REXO5: variants seen among roughly 807,000 people sequenced by gnomAD.
The protein encoded by REXO5 is RNA exonuclease 5.
In REXO5, 48 loss-of-function variants were observed where a neutral mutation model predicts 88.5. The observed-to-expected ratio is 0.54, with a 90% CI of 0.43 to 0.69. REXO5 has a LOEUF of 0.69. REXO5 is among the 30% of genes least tolerant of loss of function. The pLI is 0.00. For missense variants in REXO5, 749 were observed against 912.2 expected (o/e 0.82, Z 2.30); for synonymous variants, 311 against 336.5 (o/e 0.92, Z 0.83).
rs1460976484 is a variant in REXO5, at chr16:20,824,491, A to C, written c.669A>C (p.Ala223=). The change falls in exon 7 of 20, where the codon GCA becomes GCC. Residue 223 remains alanine, a synonymous_variant. Transcript: ENST00000261377. ...TTACCAAATGTAATGGTTCTATAGC[A>C]GACAATAGTCCTCTCTTTGGACTTG... ...FLLTKCNGSI[A]DNSPLFGLDC... 5.6e-6 allele frequency: 9 copies of C among 1,611,698 alleles called. No homozygotes were observed. The highest frequency in any genetic ancestry group is 7.6e-6 in the Non-Finnish European group (9 of 1,178,316).
At chr16:20,832,050 C>G (rs1262148693) in intron 11 of REXO5, 106 bp from the exon 12 acceptor site, 1 of 715,752 alleles carries the variant, frequency 1.4e-6, no homozygotes, top group East Asian at 2.7e-5. Context: ...GAACATTATT[C>G]AAGTGGATTT....
In REXO5 at chr16:20,848,859, C is replaced by T. The variant is rs182706553; in HGVS notation, c.2244-540C>T. On this transcript the variant is annotated intron_variant, in intron 19 of 19. Transcript: ENST00000261377. ...AGGTGCTACAAAAGTATGGAATGAA[C>T]AAAGACTAAGACTCTTTAACAGCAA... 6.6e-4 allele frequency among the ~76,000 whole-genome samples: 101 copies of T among 152,324 alleles called. 1 individual carries two copies. Among genetic ancestry groups the T allele is most frequent in the Non-Finnish European group, 1.2e-3 (79 of 68,026 alleles).
At chr16:20,828,613 T>A (rs572371238) in intron 11 of REXO5, 76 bp downstream of exon 11, 1 of 994,744 alleles carries the variant, frequency 1.0e-6, no homozygotes, top group South Asian at 1.3e-5. Context: ...GACTACCAAC[T>A]CCTATTATCT....
At chr16:20,809,270 A>G (rs543599886) in intron 2 of REXO5, among the ~76,000 whole-genome samples, 2 of 152,342 alleles carry the variant, frequency 1.3e-5, no homozygotes, top group African/African-American at 4.8e-5. Context: ...TTTATTATAT[A>G]TTCTCTATAA....
chr16:20,830,104 T>C (rs1321517680), intron 11 of REXO5, among the ~76,000 whole-genome samples: 1 of 152,266 alleles, frequency 6.6e-6, no homozygotes, highest in East Asian at 1.9e-4. Flanking sequence ...CTCATGACTC[T>C]TTTTATATTG....
intron 2 of REXO5, chr16:20,808,775 C>CT (rs1385929192): frequency 3.3e-5 from 5 of 151,290 alleles, no homozygotes; most frequent in Admixed American, 6.6e-5. Context: ...GCTAATTTTT[C>CT]TTTTTTTTGT....
chr16:20,847,505 A>G (rs985350842), intron 19 of REXO5, among the ~76,000 whole-genome samples: 3 of 152,082 alleles, frequency 2.0e-5, no homozygotes, highest in Non-Finnish European at 4.4e-5. Flanking sequence ...CTGGCCTTGA[A>G]GGTGGATCAG....
At chr16:20,847,136 G>A (rs968620130) in intron 19 of REXO5, among the ~76,000 whole-genome samples, 2 of 151,966 alleles carry the variant, frequency 1.3e-5, no homozygotes, top group Admixed American at 6.6e-5. Context: ...CTGGTTAGGC[G>A]CAGTGGCTCA....
chr16:20,832,213 C>G lies in REXO5; in HGVS notation c.1216C>G (p.Gln406Glu). 6.2e-7 allele frequency: 1 copy of G among 1,611,512 alleles called. No individual in the cohort carries two copies. Among genetic ancestry groups the G allele is most frequent in the Non-Finnish European group, 8.5e-7 (1 of 1,178,858 alleles). Residue 406 changes from glutamine to glutamate, a missense_variant, in exon 12 of 20, where the codon CAA becomes GAA. Transcript: ENST00000261377. The stretch of plus-strand genomic sequence containing the variant: ...TCACCAAGAAATACAAGCAGCAGGC[C>G]AAGAGCCTAAAAACACAGCAGAAGT... Reference protein sequence around the residue: ...ANHQEIQAAGQEPKNTAEVLQ... With the variant: ...ANHQEIQAAGEEPKNTAEVLQ...
chr16:20,806,985 A>G lies in REXO5; in HGVS notation c.32A>G (p.His11Arg). The change falls in exon 2 of 20, where the codon CAC becomes CGC. Residue 11 changes from histidine (H) to arginine (R), a missense_variant. By Grantham distance (29) the His-to-Arg change is conservative (BLOSUM62 0). Transcript: ENST00000261377. The stretch of plus-strand genomic sequence containing the variant: ...CCAGAGAGGGAAGGGACCGAGAGAC[A>G]CCCCAGGAAGGTCAGGGAAAGCAGG... MEPEREGTERHPRKVRESRQA... is the reference protein window; with the variant it reads MEPEREGTERRPRKVRESRQA... The G allele has an allele frequency of 6.3e-7, 1 of 1,599,388 alleles. No individual in the cohort carries two copies. The highest frequency in any genetic ancestry group is 8.5e-7 in the Non-Finnish European group (1 of 1,173,040).
At chr16:20,848,854 A>T (rs575337238) in intron 19 of REXO5, among the ~76,000 whole-genome samples, 29 of 152,270 alleles carry the variant, frequency 1.9e-4, no homozygotes, top group Non-Finnish European at 3.8e-4. Context: ...AAAGTATGGA[A>T]TGAACAAAGA....
chr16:20,820,929 A>T (rs1393011229), intron 5 of REXO5: 1 of 152,116 alleles, frequency 6.6e-6, no homozygotes, highest in South Asian at 2.1e-4. Context: ...ACTACTTAAG[A>T]TTTTCCCTCT....
chr16:20,827,087 A>AC lies in REXO5; in HGVS notation c.854dup (p.Val286SerfsTer19), dbSNP rs1287051447. The AC allele has an allele frequency of 2.5e-6, 4 of 1,613,980 alleles. No homozygotes were observed. Among genetic ancestry groups the AC allele is most frequent in the Non-Finnish European group, 2.5e-6 (3 of 1,179,992 alleles). On this transcript the variant is annotated frameshift_variant, in exon 9 of 20. Transcript: ENST00000261377. LOFTEE classifies it high-confidence loss of function. ...TCGGGAATCACGAAGAAGATTCTTA[A>AC]CCCAGTGACGACCAAACTCAAAGAT...
intron 6 of REXO5, among the ~76,000 whole-genome samples, 188 bp downstream of exon 6, chr16:20,822,090 G>A (rs1431030152): frequency 1.3e-5 from 2 of 152,152 alleles, no homozygotes; most frequent in Admixed American, 1.3e-4. Context: ...ACCGTGATTG[G>A]CAAAGTGATG....
chr16:20,807,173 G>A (rs1166955343), intron 2 of REXO5, 82 bp downstream of exon 2: 8 of 1,495,184 alleles, frequency 5.4e-6, no homozygotes, highest in Non-Finnish European at 7.2e-6. Context: ...CGGGGGCACT[G>A]GATTCGGGCG....
chr16:20,820,468 T>C (rs1400976026), intron 5 of REXO5, among the ~76,000 whole-genome samples: 2 of 141,840 alleles, frequency 1.4e-5, no homozygotes, highest in African/African-American at 2.6e-5. Flanking sequence ...CATCTACTTA[T>C]CTGTGTATTT....
rs539036820 is a variant in REXO5 at position 20,810,380 on chromosome 16, G to C, written c.139-2810G>C. 2.8e-4 allele frequency among the ~76,000 whole-genome samples: 42 copies of C among 151,810 alleles called. No individual in the cohort carries two copies. In the South Asian group the frequency reaches 8.8e-3, roughly 32 times the overall value. ...CTTTAATCCAAATCCAGTAATACAGGGTTCATTCTATTCATTCTAGTTTTC... is the reference window on the plus strand; with the variant it reads ...CTTTAATCCAAATCCAGTAATACAGCGTTCATTCTATTCATTCTAGTTTTC... On this transcript the variant is annotated intron_variant, in intron 2 of 19. Transcript: ENST00000261377.
At chr16:20,812,275 A>T (rs961257948) in intron 2 of REXO5, among the ~76,000 whole-genome samples, 2 of 152,156 alleles carry the variant, frequency 1.3e-5, no homozygotes, top group African/African-American at 4.8e-5. Flanking sequence ...TAATCCCAGC[A>T]CTTTGGGAGG....
rs374927740 is a variant in REXO5 at position 20,832,151 on chromosome 16, T to C, written c.1159-5T>C. 3.8e-6 allele frequency: 6 copies of C among 1,584,804 alleles called. No homozygotes were observed. Among genetic ancestry groups the C allele is most frequent in the Non-Finnish European group, 5.2e-6 (6 of 1,159,948 alleles). ...TTATATTTTTACCACTTTGTTTTCT[T>C]CAAGATTGCAGAACTAAATCTAGAA... On this transcript the variant is annotated splice_region_variant and splice_polypyrimidine_tract_variant and intron_variant, in intron 11 of 19. Coordinates refer to ENST00000261377, the MANE Select transcript of REXO5 (RefSeq NM_030941.3).
Sources: allele counts gnomAD v4.1 joint callset (sites outside exome capture counted in the v4.1 genomes callset), GRCh38; gene constraint gnomAD v4.1.1; transcripts MANE v1.5; gene names NCBI Gene and HGNC (gene_info 2026-07-23, HGNC 2026-07-21).